The following MICU2 variants were observed in gnomAD, a reference collection of about 807,000 sequenced individuals.
MICU2 encodes the protein mitochondrial calcium uptake 2, also known as calcium uptake protein 2, mitochondrial.
In MICU2, 64 loss-of-function variants were observed where a neutral mutation model predicts 60.4. That is an observed-to-expected ratio of 1.06 (90% CI 0.87 to 1.31). MICU2 has a LOEUF of 1.31. Ranked by LOEUF, MICU2 falls within the 50% of genes most tolerant of loss-of-function variation. The pLI is 0.00. For synonymous variants in MICU2, 201 were observed against 175.0 expected (o/e 1.15, Z -1.17); for missense variants, 569 against 531.0 (o/e 1.07, Z -0.70).
intron 8 of MICU2, among the ~76,000 whole-genome samples, chr13:21,509,716 C>G (rs571876148): frequency 6.6e-6 from 1 of 152,200 alleles, no homozygotes; most frequent in Admixed American, 6.5e-5. Context: ...GAACAACTGA[C>G]GCTAGGCGCA....
chr13:21,498,369 C>A (rs78426380), intron 9 of MICU2, among the ~76,000 whole-genome samples: 4 of 78,562 alleles, frequency 5.1e-5, no homozygotes, highest in Admixed American at 2.0e-4. Flanking sequence ...ATATCCTATT[C>A]TTTTTTTTTT....
chr13:21,507,951 C>T (rs562523838), intron 8 of MICU2, among the ~76,000 whole-genome samples: 1 of 151,516 alleles, frequency 6.6e-6, no homozygotes, highest in African/African-American at 2.4e-5. Context: ...TTTTTTTTGA[C>T]AGAGTCTCAC....
intron 1 of MICU2, among the ~76,000 whole-genome samples, chr13:21,568,257 C>T (rs1179699542): frequency 6.6e-6 from 1 of 152,176 alleles, no homozygotes; most frequent in African/African-American, 2.4e-5. Flanking sequence ...GATTTCAGTT[C>T]TCTGACCAGT....
chr13:21,517,623 A>G (rs1003475935), intron 6 of MICU2, among the ~76,000 whole-genome samples: 2 of 152,016 alleles, frequency 1.3e-5, no homozygotes, highest in African/African-American at 2.4e-5. Context: ...TAAAAATACA[A>G]AAAATTAGCT....
chr13:21,603,837 A>T, intron 1 of MICU2, 102 bp downstream of exon 1: 1 of 1,309,472 alleles, frequency 7.6e-7, no homozygotes. Context: ...ACCTCCACCC[A>T]CGGCTCCGGG....
intron 8 of MICU2, among the ~76,000 whole-genome samples, chr13:21,508,775 T>G (rs1886356675): frequency 6.6e-6 from 1 of 152,156 alleles, no homozygotes; most frequent in Admixed American, 6.5e-5. Flanking sequence ...CCAAACCACT[T>G]TTGCCTGTTA....
At chr13:21,579,862 T>C (rs1888309491) in intron 1 of MICU2, among the ~76,000 whole-genome samples, 1 of 152,218 alleles carries the variant, frequency 6.6e-6, no homozygotes, top group Admixed American at 6.5e-5. Flanking sequence ...AGGATACTTT[T>C]AACAGTGAAG....
chr13:21,500,793 TTCA>T (rs1886132723), intron 9 of MICU2, among the ~76,000 whole-genome samples: 2 of 152,154 alleles, frequency 1.3e-5, no homozygotes, highest in African/African-American at 4.8e-5. Context: ...CTCCCCCTTC[TTCA>T]TGTTAACTTT....
intron 1 of MICU2, among the ~76,000 whole-genome samples, chr13:21,594,401 G>C (rs1335350877): frequency 6.6e-6 from 1 of 152,174 alleles, no homozygotes. Flanking sequence ...CAAGGCTATG[G>C]AGAAATAGGA....
intron 8 of MICU2, among the ~76,000 whole-genome samples, chr13:21,506,879 C>T: frequency 6.6e-6 from 1 of 152,178 alleles, no homozygotes; most frequent in East Asian, 1.9e-4. Flanking sequence ...TAACATTATA[C>T]TCCCAGAAAC....
chr13:21,531,749 T>C (rs1887006488), intron 4 of MICU2, among the ~76,000 whole-genome samples: 1 of 152,194 alleles, frequency 6.6e-6, no homozygotes, highest in Admixed American at 6.5e-5. Flanking sequence ...AGAGCTGGTC[T>C]GCACACTCAC....
intron 1 of MICU2, 64 bp downstream of exon 1, chr13:21,603,875 C>T (rs1888887468): frequency 1.3e-6 from 2 of 1,570,378 alleles, no homozygotes; most frequent in Non-Finnish European, 1.7e-6. Flanking sequence ...AACCACTCCC[C>T]GCCTAAGGGC....
At chr13:21,503,171 A>G in intron 8 of MICU2, 74 bp from the exon 9 acceptor site, 2 of 1,104,752 alleles carry the variant, frequency 1.8e-6, no homozygotes, top group South Asian at 3.0e-5. Flanking sequence ...GGGTCTGCAA[A>G]GTACCTTCAC....
At chr13:21,541,334 A>G (rs1189419943) in intron 2 of MICU2, among the ~76,000 whole-genome samples, 1 of 152,164 alleles carries the variant, frequency 6.6e-6, no homozygotes, top group Non-Finnish European at 1.5e-5. Context: ...TCTGGCTGCC[A>G]AACAGGTAAG....
At chr13:21,531,110 C>A in intron 4 of MICU2, 1 of 946,256 alleles carries the variant, frequency 1.1e-6, no homozygotes. Context: ...GGCATAGTTC[C>A]CCCTACCTAA....
At chr13:21,559,887 A>G (rs1338946931) in intron 2 of MICU2, among the ~76,000 whole-genome samples, 3 of 152,198 alleles carry the variant, frequency 2.0e-5, no homozygotes, top group African/African-American at 7.2e-5. Context: ...GCTGATCTAC[A>G]TTCTCTTCAA....
At chr13:21,601,205 C>A (rs1888808065) in intron 1 of MICU2, among the ~76,000 whole-genome samples, 1 of 152,210 alleles carries the variant, frequency 6.6e-6, no homozygotes, top group African/African-American at 2.4e-5. Context: ...AGATTCATCA[C>A]AAGCCAAAAT....
At chr13:21,514,539 T>TA in intron 6 of MICU2, 121 bp from the exon 7 acceptor site, 1 of 651,672 alleles carries the variant, frequency 1.5e-6, no homozygotes, top group Non-Finnish European at 2.6e-6. Flanking sequence ...AATATTAACT[T>TA]CTTTTTTTTT....
At chr13:21,567,011 C>CT in intron 1 of MICU2, 67 bp from the exon 2 acceptor site, 1 of 1,351,892 alleles carries the variant, frequency 7.4e-7, no homozygotes, top group South Asian at 1.5e-5. Context: ...CTAGGACAAT[C>CT]TTTAAAAAGT....
Sources: allele counts gnomAD v4.1 joint callset (sites outside exome capture counted in the v4.1 genomes callset), GRCh38; gene constraint gnomAD v4.1.1; transcripts MANE v1.5; gene names NCBI Gene and HGNC (gene_info 2026-07-23, HGNC 2026-07-21).